Variants in RGS7 observed in about 807,000 individuals in gnomAD.
RGS7 encodes the protein regulator of G protein signaling 7.
RGS7 carries 27 observed loss-of-function variants against 81.1 expected under a neutral mutation model. The observed-to-expected ratio is 0.33, with a 90% CI of 0.25 to 0.46. The LOEUF is 0.46. Ranked by LOEUF, RGS7 falls within the 20% of genes least tolerant of loss-of-function variation. RGS7 has a pLI of 1.00. For missense variants in RGS7, 396 were observed against 607.4 expected, an observed-to-expected ratio of 0.65 and a Z score of 3.66; for synonymous variants, 208 against 207.7, an observed-to-expected ratio of 1.00 and a Z score of -0.01.
At chr1:241,017,371 G>A (rs1304416660) in intron 3 of RGS7, among the ~76,000 whole-genome samples, 1 of 150,478 alleles carries the variant, frequency 6.6e-6, no homozygotes, top group Non-Finnish European at 1.5e-5. Context: ...AACTCAGGAG[G>A]TGGAGTTGCA....
At chr1:241,134,939 C>A (rs1402544171) in intron 2 of RGS7, among the ~76,000 whole-genome samples, 5 of 150,312 alleles carry the variant, frequency 3.3e-5, no homozygotes, top group Non-Finnish European at 1.5e-5. Context: ...CTACCCCGGC[C>A]GGAAGACACC....
intron 2 of RGS7, among the ~76,000 whole-genome samples, chr1:241,235,946 G>A (rs1292441290): frequency 1.4e-5 from 2 of 146,710 alleles, no homozygotes; most frequent in Non-Finnish European, 3.1e-5. Flanking sequence ...GACAGACAGA[G>A]ACAGAGGAGA....
At chr1:240,842,675 ACT>A (rs1658284319) in intron 9 of RGS7, among the ~76,000 whole-genome samples, 1 of 152,006 alleles carries the variant, frequency 6.6e-6, no homozygotes, top group Non-Finnish European at 1.5e-5. Flanking sequence ...AGAGTGTAAA[ACT>A]CAGTTCACTT....
chr1:241,055,687 C>G (rs2061442230), intron 3 of RGS7, among the ~76,000 whole-genome samples: 1 of 152,190 alleles, frequency 6.6e-6, no homozygotes, highest in Admixed American at 6.5e-5. Flanking sequence ...GCTACCCAAT[C>G]ATTTTGGATT....
In RGS7 at chr1:241,269,702, G is replaced by A. The variant is rs78054752; in HGVS notation, c.78+85997C>T. Among the ~76,000 whole-genome samples, 22 of 152,278 alleles carry A rather than the reference G, an allele frequency of 1.4e-4. No individual in the cohort carries two copies. The East Asian group carries it at 2.1e-3, about 15-fold the overall frequency. On this transcript the variant is annotated intron_variant, in intron 2 of 18. Coordinates refer to ENST00000440928, the MANE Select transcript of RGS7 (RefSeq NM_001364886.1). ...AAGGTGATTCCACTGATGAGTGGGC[G>A]ATCTGCTACTCTTTGAACCATAAAT...
chr1:241,026,955 C>T (rs933728482), intron 3 of RGS7, among the ~76,000 whole-genome samples: 2 of 150,810 alleles, frequency 1.3e-5, no homozygotes, highest in Admixed American at 6.6e-5. Flanking sequence ...GGTACTGAGG[C>T]TAGAATGAGC....
At chr1:241,337,844 C>T (rs1361666483) in intron 2 of RGS7, among the ~76,000 whole-genome samples, 1 of 152,146 alleles carries the variant, frequency 6.6e-6, no homozygotes, top group Non-Finnish European at 1.5e-5. Flanking sequence ...AAGGTAAACT[C>T]TTTTATTTAC....
chr1:241,027,712 T>C (rs919733840), intron 3 of RGS7, among the ~76,000 whole-genome samples: 1 of 151,972 alleles, frequency 6.6e-6, no homozygotes, highest in African/African-American at 2.4e-5. Context: ...TACAACTGCA[T>C]GAGAGGAGGA....
At chr1:241,083,975 A>G (rs1322333957) in intron 3 of RGS7, among the ~76,000 whole-genome samples, 2 of 152,224 alleles carry the variant, frequency 1.3e-5, no homozygotes, top group Admixed American at 6.5e-5. Context: ...ACAGAAAAAT[A>G]TTCCACCTTA....
chr1:240,942,374 T>C (rs1677737280), intron 4 of RGS7, among the ~76,000 whole-genome samples: 1 of 152,174 alleles, frequency 6.6e-6, no homozygotes, highest in Admixed American at 6.6e-5. Flanking sequence ...GTAATATTTT[T>C]CTTACCCAGA....
chr1:241,306,838 CACAT>C (rs1315482153), intron 2 of RGS7, among the ~76,000 whole-genome samples: 1 of 152,298 alleles, frequency 6.6e-6, no homozygotes, highest in African/African-American at 2.4e-5. Context: ...TCTATCCACT[CACAT>C]ACACACAACA....
In RGS7 at chr1:241,097,444, C is replaced by T. The variant is rs149566069; in HGVS notation, c.175+1222G>A. 5.1e-4 allele frequency among the ~76,000 whole-genome samples: 78 copies of T among 152,182 alleles called. 1 individual carries two copies. The Middle Eastern group carries it at 0.01, about 20-fold the overall frequency. The stretch of plus-strand genomic sequence containing the variant: ...TGACAGCAACACAGGTATCAAACCC[C>T]GACACGGAGGCCGCTTCCCTATTAT... On this transcript the variant is annotated intron_variant, in intron 3 of 18. Coordinates refer to ENST00000440928, the MANE Select transcript of RGS7 (RefSeq NM_001364886.1).
chr1:241,011,893 G>A (rs1469337296), intron 3 of RGS7, among the ~76,000 whole-genome samples: 1 of 152,102 alleles, frequency 6.6e-6, no homozygotes, highest in Non-Finnish European at 1.5e-5. Flanking sequence ...TACCTAAGGT[G>A]GATGCATTCC....
intron 5 of RGS7, among the ~76,000 whole-genome samples, chr1:240,932,938 C>A (rs1309142861): frequency 8.2e-6 from 1 of 121,632 alleles, no homozygotes; most frequent in Non-Finnish European, 1.6e-5. Context: ...GGCTGGACTG[C>A]AGTGGCGCGA....
At chr1:241,280,991 T>A (rs1030795215) in intron 2 of RGS7, among the ~76,000 whole-genome samples, 2 of 152,146 alleles carry the variant, frequency 1.3e-5, no homozygotes, top group Admixed American at 6.5e-5. Context: ...TACTACAAAG[T>A]TTGTTAGAGA....
At chr1:241,352,423 C>A (rs1370076553) in intron 2 of RGS7, among the ~76,000 whole-genome samples, 1 of 152,166 alleles carries the variant, frequency 6.6e-6, no homozygotes, top group Non-Finnish European at 1.5e-5. Flanking sequence ...ACACCACAGC[C>A]ATTGTAATTT....
intron 9 of RGS7, among the ~76,000 whole-genome samples, chr1:240,834,802 C>T (rs1032947178): frequency 3.9e-5 from 6 of 152,110 alleles, no homozygotes; most frequent in East Asian, 1.9e-4. Context: ...TGAGCCACCG[C>T]GCCCAGCCCG....
chr1:240,897,222 T>C (rs1236033826), intron 6 of RGS7, among the ~76,000 whole-genome samples: 1 of 152,250 alleles, frequency 6.6e-6, no homozygotes, highest in Non-Finnish European at 1.5e-5. Context: ...TCATGTCATC[T>C]GCAAATAGGG....
chr1:240,838,968 T>C (rs1462898290), intron 9 of RGS7, among the ~76,000 whole-genome samples: 1 of 152,160 alleles, frequency 6.6e-6, no homozygotes, highest in African/African-American at 2.4e-5. Context: ...GGTTTCACCA[T>C]GTTGGCCAAG....
Sources: allele counts gnomAD v4.1 joint callset (sites outside exome capture counted in the v4.1 genomes callset), GRCh38; gene constraint gnomAD v4.1.1; transcripts MANE v1.5; gene names NCBI Gene and HGNC (gene_info 2026-07-23, HGNC 2026-07-21).